RFC5: variants seen among roughly 807,000 people sequenced by gnomAD.
RFC5 encodes the protein A1 36 kDa subunit.
A neutral mutation model predicts 44.3 loss-of-function variants in RFC5; 26 were observed. The observed-to-expected ratio is 0.59, with a 90% CI of 0.43 to 0.81. The LOEUF is 0.81. Ranked by LOEUF, RFC5 falls within the 40% of genes least tolerant of loss-of-function variation. The pLI, the probability that RFC5 is intolerant of heterozygous loss-of-function variation, is 0.00. For missense variants in RFC5, 328 were observed against 418.6 expected, an observed-to-expected ratio of 0.78 and a Z score of 1.89; for synonymous variants, 155 against 155.2, an observed-to-expected ratio of 1.00 and a Z score of 0.01.
At chr12:118,036,323 G>A (rs2031508877), downstream of RFC5, 1 of 1,606,516 alleles carries the variant, frequency 6.2e-7, no homozygotes, top group African/African-American at 1.3e-5. Flanking sequence ...GTCATAGCAG[G>A]GATTCAGTCC....
the RFC5 span, among the ~76,000 whole-genome samples, chr12:118,041,003 C>T: frequency 1.3e-5 from 2 of 152,210 alleles, no homozygotes; most frequent in Non-Finnish European, 2.9e-5. Flanking sequence ...GAGCTGAGAT[C>T]GTGCCACTGC....
At chr12:118,025,426 T>G in intron 6 of RFC5, 1 of 339,552 alleles carries the variant, frequency 2.9e-6, no homozygotes, top group Non-Finnish European at 5.4e-6. Context: ...GAAGGAGGAG[T>G]TTCGGCTGTG....
chr12:118,022,293 T>G lies in RFC5; in HGVS notation c.355T>G (p.Phe119Val), dbSNP rs1479937695. 2 of 1,613,600 alleles carry G rather than the reference T, an allele frequency of 1.2e-6. No individual in the cohort carries two copies. Among genetic ancestry groups the G allele is most frequent in the Non-Finnish European group, 8.5e-7 (1 of 1,179,558 alleles). Residue 119 changes from phenylalanine to valine, a missense_variant, in exon 5 of 11, where the codon TTT becomes GTT. Physicochemically the swap from Phe to Val is conservative, Grantham distance 50. Coordinates refer to ENST00000454402, the MANE Select transcript of RFC5 (RefSeq NM_007370.7). ...CACCATTTGTTTTTCTAGGAAAGGC[T>G]TTAAGCTAGTGATCTTGGATGAAGC... ...ASTRTIFKKG[F>V]KLVILDEADA... is the part of the protein sequence containing the mutation.
intron 9 of RFC5, among the ~76,000 whole-genome samples, 169 bp from the exon 10 acceptor site, chr12:118,029,602 A>G (rs1054874172): frequency 1.3e-5 from 2 of 152,176 alleles, no homozygotes; most frequent in Non-Finnish European, 2.9e-5. Context: ...GGTAAAAAGT[A>G]TGAAACCAGC....
downstream of RFC5, chr12:118,034,102 C>T: frequency 6.6e-7 from 1 of 1,505,188 alleles, no homozygotes; most frequent in Non-Finnish European, 9.1e-7. Context: ...AATGCTATTT[C>T]AATGCAAGAC....
chr12:118,018,628 G>T (rs948599125), intron 1 of RFC5, among the ~76,000 whole-genome samples: 3 of 151,712 alleles, frequency 2.0e-5, no homozygotes, highest in African/African-American at 7.3e-5. Context: ...TTAAGACAAG[G>T]TCTCACTCTG....
At chr12:118,027,343 T>C (rs2031016790) in intron 8 of RFC5, 2 of 250,600 alleles carry the variant, frequency 8.0e-6, no homozygotes, top group Non-Finnish European at 1.5e-5. Flanking sequence ...TGCTGTGAAA[T>C]GAAAGGCTAG....
In RFC5 at chr12:118,026,951, G is replaced by T. The variant is rs758722522; in HGVS notation, c.726G>T (p.Pro242=). Residue 242 remains proline, a synonymous_variant, in exon 8 of 11, where the codon CCG becomes CCT. Coordinates refer to ENST00000454402, the MANE Select transcript of RFC5 (RefSeq NM_007370.7). ...CTGTCTACACCTGCACCGGGCACCC[G>T]CTCAAGTCAGACATTGCCAACATCC... ...EETVYTCTGH[P]LKSDIANILD... is the part of the protein sequence containing the mutation. 6.2e-7 allele frequency: 1 copy of T among 1,613,906 alleles called. No homozygotes were observed. The highest frequency in any genetic ancestry group is 1.1e-5 in the South Asian group (1 of 91,074).
At position 118,019,501 on chromosome 12, in the gene RFC5, C is replaced by T. The variant is rs933759436; in HGVS notation, c.131-131C>T. The T allele has an allele frequency of 1.0e-6, 1 of 966,918 alleles. No homozygotes were observed. Among genetic ancestry groups the T allele is most frequent in the Non-Finnish European group, 1.6e-6 (1 of 633,330 alleles). 59.9% of individuals were successfully genotyped at this position (966,918 alleles called of 1,614,324 possible). The stretch of plus-strand genomic sequence containing the variant: ...CACGAAAGTAGATATGAGGCCCCTA[C>T]ATCAAGTTGTATCTGCCTCTGATTT... On this transcript the variant is annotated intron_variant, in intron 2 of 10. Coordinates refer to ENST00000454402, the MANE Select transcript of RFC5 (RefSeq NM_007370.7). The surrounding 1 kb of genome is among the most constrained non-coding windows in gnomAD (Gnocchi z 4.2).
chr12:118,018,189 T>C, intron 1 of RFC5: 1 of 554,794 alleles, frequency 1.8e-6, no homozygotes, highest in South Asian at 2.4e-5. Flanking sequence ...TTCCATTGTA[T>C]GGACAGAAGA....
chr12:118,017,134 A>G (rs1434965389), intron 1 of RFC5, among the ~76,000 whole-genome samples: 5 of 152,162 alleles, frequency 3.3e-5, no homozygotes, highest in African/African-American at 1.2e-4. Flanking sequence ...TTGCCGAAGA[A>G]GAAGGCGGCT....
At position 118,019,171 on chromosome 12, in the gene RFC5, T is replaced by A; in HGVS notation, c.130+35T>A. ...CATGTGTCAGTTGCTCTTGTCCTGCTTGAGCGACTTGTATAAATTGCTTGG... is the reference window on the plus strand; with the variant it reads ...CATGTGTCAGTTGCTCTTGTCCTGCATGAGCGACTTGTATAAATTGCTTGG... On this transcript the variant is annotated intron_variant, in intron 2 of 10. Coordinates refer to ENST00000454402, the MANE Select transcript of RFC5 (RefSeq NM_007370.7). The surrounding 1 kb of genome is among the most constrained non-coding windows in gnomAD (Gnocchi z 4.2). 1 of 1,443,078 alleles carries A rather than the reference T, an allele frequency of 6.9e-7. No individual in the cohort carries two copies. Among genetic ancestry groups the A allele is most frequent in the Non-Finnish European group, 9.8e-7 (1 of 1,024,926 alleles). The allele number at this position is 1,443,078 out of a possible 1,614,324, so 89.4% of individuals were successfully genotyped here.
chr12:118,017,930 T>G (rs2030208812), intron 1 of RFC5: 6 of 678,418 alleles, frequency 8.8e-6, no homozygotes, highest in Admixed American at 6.2e-5. Context: ...GTTCCAAAAT[T>G]TCATCACCCC....
the RFC5 span, among the ~76,000 whole-genome samples, chr12:118,038,731 A>G: frequency 6.6e-6 from 1 of 152,098 alleles, no homozygotes; most frequent in South Asian, 2.1e-4. Flanking sequence ...CCCAGACTAG[A>G]ATACAGTGGC....
intron 5 of RFC5, among the ~76,000 whole-genome samples, chr12:118,023,126 C>T (rs1247673372): frequency 6.6e-6 from 1 of 151,878 alleles, no homozygotes; most frequent in Non-Finnish European, 1.5e-5. Context: ...ACCCTTTGAA[C>T]CACAATGGCT....
At chr12:118,028,713 TATGTAAACC>T (rs1048943460) in intron 9 of RFC5, among the ~76,000 whole-genome samples, 8 of 151,726 alleles carry the variant, frequency 5.3e-5, no homozygotes, top group African/African-American at 1.5e-4. Flanking sequence ...AAAGAGAAGA[TATGTAAACC>T]ATGTAAACCA....
At chr12:118,034,732 A>G (rs1014183816), downstream of RFC5, 21 of 535,534 alleles carry the variant, frequency 3.9e-5, no homozygotes, top group Admixed American at 6.6e-4. Flanking sequence ...CATCATCTCA[A>G]TTTTATTCTC....
At chr12:118,033,136 G>A (rs898480300), downstream of RFC5, 1 of 152,134 alleles carries the variant, frequency 6.6e-6, no homozygotes, top group Non-Finnish European at 1.5e-5. Flanking sequence ...GGCAGGTTTT[G>A]TTTGAATGAG....
At position 118,017,026 on chromosome 12, in the gene RFC5, G is replaced by A. The variant is rs1566118766; in HGVS notation, c.65+134G>A. 2.5e-5 allele frequency: 18 copies of A among 729,254 alleles called. No individual in the cohort carries two copies. The South Asian group carries it at 2.8e-4, about 11-fold the overall frequency. 45.2% of individuals were successfully genotyped at this position (729,254 alleles called of 1,614,324 possible). A position where few individuals can be genotyped will look rare whatever the true frequency, so the allele number is the denominator to read the frequency against. The stretch of plus-strand genomic sequence containing the variant: ...CGTCTCCAGGCCTGCAGCCGGGACC[G>A]ACCTGCAGAGGTTTCCCCCGACACC... On this transcript the variant is annotated intron_variant, in intron 1 of 10. Coordinates refer to ENST00000454402, the MANE Select transcript of RFC5 (RefSeq NM_007370.7).
Sources: allele counts gnomAD v4.1 joint callset (sites outside exome capture counted in the v4.1 genomes callset), GRCh38; gene constraint gnomAD v4.1.1; non-coding constraint Gnocchi (gnomAD v3.1); transcripts MANE v1.5; gene names NCBI Gene and HGNC (gene_info 2026-07-23, HGNC 2026-07-21).